The following RUNX1T1 variants were observed in gnomAD, a reference collection of about 807,000 sequenced individuals.
RUNX1T1 encodes the protein RUNX1 partner transcriptional co-repressor 1.
A neutral mutation model predicts 62.8 loss-of-function variants in RUNX1T1; 4 were observed. The observed-to-expected ratio is 0.06, with a 90% CI of 0.03 to 0.15. The LOEUF (loss-of-function observed/expected upper bound fraction) is 0.15, where lower values mean the gene tolerates loss of function less well. Among genes scored for constraint, RUNX1T1 ranks in the 10% least tolerant of loss-of-function variants. The probability of loss-of-function intolerance (pLI) is 1.00; values close to 1 mark genes in which losing one functional copy is unlikely to be tolerated. For missense variants in RUNX1T1, 508 were observed against 754.3 expected, an observed-to-expected ratio of 0.67 and a Z score of 3.82; for synonymous variants, 291 against 286.0, an observed-to-expected ratio of 1.02 and a Z score of -0.18.
At chr8:91,986,387 G>T in intron 7 of RUNX1T1, 62 bp from the exon 9 acceptor site, 1 of 1,335,374 alleles carries the variant, frequency 7.5e-7, no homozygotes, top group Non-Finnish European at 1.1e-6. Context: ...AGATTTTGCT[G>T]AGTAGTGAAA....
intron 1 of RUNX1T1, among the ~76,000 whole-genome samples, chr8:92,029,762 A>G (rs577531530): frequency 1.4e-4 from 22 of 152,296 alleles, no homozygotes; most frequent in African/African-American, 4.8e-4. Context: ...ATCTGTTTAC[A>G]TGAAACAACA....
chr8:92,046,823 T>C (rs1361614887), intron 1 of RUNX1T1, among the ~76,000 whole-genome samples: 2 of 152,024 alleles, frequency 1.3e-5, no homozygotes, highest in Non-Finnish European at 2.9e-5. Flanking sequence ...CATAGAACAG[T>C]GTTTAGGTTA....
intron 8 of RUNX1T1, among the ~76,000 whole-genome samples, chr8:91,981,510 G>A (rs1208915568): frequency 6.9e-6 from 1 of 145,096 alleles, no homozygotes. Flanking sequence ...CTCCTCCAGG[G>A]TTCAAGCAAT....
intron 1 of RUNX1T1, among the ~76,000 whole-genome samples, chr8:92,085,989 T>G (rs553855899): frequency 6.6e-6 from 1 of 152,378 alleles, no homozygotes; most frequent in African/African-American, 2.4e-5. Flanking sequence ...TTAAACTCAG[T>G]AGATTTTAAT....
intron 5 of RUNX1T1, among the ~76,000 whole-genome samples, chr8:91,996,975 A>AC (rs1818826493): frequency 6.6e-6 from 1 of 151,282 alleles, no homozygotes; most frequent in Non-Finnish European, 1.5e-5. Context: ...AAAAAAAAAA[A>AC]AATTAGCCAG....
chr8:92,088,589 A>G (rs1387196265), intron 1 of RUNX1T1, among the ~76,000 whole-genome samples: 1 of 152,160 alleles, frequency 6.6e-6, no homozygotes, highest in African/African-American at 2.4e-5. Flanking sequence ...TTTAGGTACC[A>G]TTATAGATCT....
chr8:91,986,758 A>G, intron 7 of RUNX1T1, 129 bp downstream of exon 8: 1 of 663,590 alleles, frequency 1.5e-6, no homozygotes, highest in Non-Finnish European at 2.7e-6. Flanking sequence ...ATTCTCGCTC[A>G]TTTTTTTTTC....
rs200109762 is a variant in RUNX1T1, at chr8:92,030,327, A to G, written c.8-12964T>C. Among the ~76,000 whole-genome samples, 18 of 152,294 alleles carry G rather than the reference A, an allele frequency of 1.2e-4. 1 individual carries two copies. The East Asian group carries it at 3.1e-3, about 26-fold the overall frequency. On this transcript the variant is annotated intron_variant, in intron 1 of 10. Transcript: ENST00000396218. ...CCAGAGAGTAGTGTCCCATAAGGAA[A>G]TGGGGACATATCAATTCTTATCATA...
intron 1 of RUNX1T1, among the ~76,000 whole-genome samples, chr8:92,039,333 G>A (rs1357575743): frequency 6.6e-6 from 1 of 151,988 alleles, no homozygotes; most frequent in Non-Finnish European, 1.5e-5. Context: ...CCCCTCTTCT[G>A]TTCCTGGTCC....
chr8:91,989,108 TTTTG>T (rs1464965314), intron 6 of RUNX1T1, among the ~76,000 whole-genome samples: 1 of 152,122 alleles, frequency 6.6e-6, no homozygotes, highest in Non-Finnish European at 1.5e-5. Context: ...CAACTGATTA[TTTTG>T]TTTTAGAATA....
At chr8:92,000,180 A>G (rs1819491128) in intron 5 of RUNX1T1, among the ~76,000 whole-genome samples, 1 of 152,002 alleles carries the variant, frequency 6.6e-6, no homozygotes, top group South Asian at 2.1e-4. Context: ...GGTGGCAGGC[A>G]TCTGATACCT....
downstream of RUNX1T1, chr8:91,955,884 T>C (rs1809293730): frequency 4.4e-6 from 1 of 228,732 alleles, no homozygotes; most frequent in South Asian, 1.8e-4. Flanking sequence ...AACTAGAGAA[T>C]GAAAAAATAT....
chr8:91,986,754 G>T, intron 7 of RUNX1T1, 133 bp downstream of exon 8: 1 of 661,094 alleles, frequency 1.5e-6, no homozygotes, highest in Non-Finnish European at 2.7e-6. Flanking sequence ...AGATATTCTC[G>T]CTCATTTTTT....
At chr8:92,079,883 C>T (rs771655917) in intron 1 of RUNX1T1, among the ~76,000 whole-genome samples, 12 of 152,080 alleles carry the variant, frequency 7.9e-5, no homozygotes, top group South Asian at 2.1e-4. Context: ...GACTGCTGCA[C>T]GGCCAGTTCT....
At chr8:92,077,607 G>A (rs1050820520) in intron 1 of RUNX1T1, among the ~76,000 whole-genome samples, 1 of 151,762 alleles carries the variant, frequency 6.6e-6, no homozygotes, top group Non-Finnish European at 1.5e-5. Context: ...ACAAATATTG[G>A]GAAAAAAGAA....
At chr8:92,023,467 CCA>C (rs1166929407) in intron 1 of RUNX1T1, among the ~76,000 whole-genome samples, 1 of 152,138 alleles carries the variant, frequency 6.6e-6, no homozygotes, top group Non-Finnish European at 1.5e-5. Flanking sequence ...ATTTCCATGT[CCA>C]CAAGAATGTC....
intron 1 of RUNX1T1, among the ~76,000 whole-genome samples, chr8:92,084,199 A>G (rs1835727554): frequency 6.6e-6 from 1 of 151,880 alleles, no homozygotes; most frequent in Non-Finnish European, 1.5e-5. Flanking sequence ...ATACCTATGT[A>G]ACAAACCTGC....
At chr8:92,013,621 T>C (rs964391043) in intron 3 of RUNX1T1, among the ~76,000 whole-genome samples, 3 of 152,164 alleles carry the variant, frequency 2.0e-5, no homozygotes, top group African/African-American at 7.2e-5. Context: ...CAGTTTGATA[T>C]GGGAGACTAG....
downstream of RUNX1T1, chr8:91,955,212 C>T: frequency 4.6e-6 from 1 of 219,624 alleles, no homozygotes; most frequent in Non-Finnish European, 9.1e-6. Context: ...CCTATTTGTC[C>T]AACATATCCA....
Sources: allele counts gnomAD v4.1 joint callset (sites outside exome capture counted in the v4.1 genomes callset), GRCh38; gene constraint gnomAD v4.1.1; transcripts MANE v1.5; gene names NCBI Gene and HGNC (gene_info 2026-07-23, HGNC 2026-07-21).